The following FAM135A variants were observed in gnomAD, a reference collection of about 807,000 sequenced individuals.
The protein encoded by FAM135A is family with sequence similarity 135 member A.
Under a neutral mutation model 146.8 loss-of-function variants are expected in FAM135A, and 79 were observed. That is an observed-to-expected ratio of 0.54 (90% CI 0.45 to 0.65). FAM135A has a LOEUF of 0.65. FAM135A is among the 30% of genes least tolerant of loss of function. The pLI is 0.00. For missense variants in FAM135A, 1,623 were observed against 1,758.2 expected (o/e 0.92, Z 1.38); for synonymous variants, 562 against 603.6 (o/e 0.93, Z 1.01).
chr6:70,474,902 A>G (rs1782326198), intron 5 of FAM135A, among the ~76,000 whole-genome samples: 1 of 152,100 alleles, frequency 6.6e-6, no homozygotes, highest in Admixed American at 6.6e-5. Context: ...CTCTAATCAC[A>G]TGGCTGGTCT....
chr6:70,501,351 G>T (rs922021249), intron 11 of FAM135A, among the ~76,000 whole-genome samples: 1 of 152,152 alleles, frequency 6.6e-6, no homozygotes, highest in Admixed American at 6.5e-5. Flanking sequence ...CCCCTACCAA[G>T]CTTGATCTTC....
At chr6:70,475,810 C>G (rs1175903715) in intron 7 of FAM135A, 77 bp downstream of exon 7, 2 of 1,166,484 alleles carry the variant, frequency 1.7e-6, no homozygotes, top group Admixed American at 2.3e-5. Flanking sequence ...CCATTTTCCT[C>G]TTAAAATTCA....
intron 4 of FAM135A, among the ~76,000 whole-genome samples, chr6:70,428,932 A>C (rs764042881): frequency 2.0e-5 from 3 of 152,212 alleles, no homozygotes; most frequent in Non-Finnish European, 4.4e-5. Flanking sequence ...GAAAACACTA[A>C]AACAATAATC....
chr6:70,495,199 A>C (rs1388200089), intron 11 of FAM135A, among the ~76,000 whole-genome samples: 1 of 152,168 alleles, frequency 6.6e-6, no homozygotes, highest in Non-Finnish European at 1.5e-5. Context: ...TCTGGTATTT[A>C]TAAACCTTTT....
chr6:70,434,204 A>C (rs1772419343), intron 4 of FAM135A, among the ~76,000 whole-genome samples: 1 of 152,244 alleles, frequency 6.6e-6, no homozygotes, highest in South Asian at 2.1e-4. Flanking sequence ...AGAAGGAAAT[A>C]TTGCCCTTTA....
rs115970489 is a variant in FAM135A, at chr6:70,435,026, G to A, written c.77+6607G>A. ...AACATATTATGATTTGGAAATGGAG[G>A]AAAGTAAGGATATAGATTTAGAAAT... On this transcript the variant is annotated intron_variant, in intron 4 of 21. Coordinates refer to ENST00000418814, the MANE Select transcript of FAM135A (RefSeq NM_001162529.3). Among the ~76,000 whole-genome samples the A allele has an allele frequency of 2.0e-5, 3 of 149,454 alleles. No homozygotes were observed. The East Asian group carries it at 5.9e-4, about 29-fold the overall frequency.
rs754687796 is a variant in FAM135A, at chr6:70,526,543, G to T, written c.3459G>T (p.Leu1153Phe). The T allele has an allele frequency of 3.1e-6, 5 of 1,613,580 alleles. No homozygotes were observed. Among genetic ancestry groups the T allele is most frequent in the Non-Finnish European group, 4.2e-6 (5 of 1,179,692 alleles). The change falls in exon 15 of 22, where the codon TTG becomes TTT. Residue 1153 changes from leucine to phenylalanine, a missense_variant. Transcript: ENST00000418814. The part of the protein sequence containing the change: ...NMPTVCTSGC[L>F]SFPSAPRESP... ...CTACTGTCTGTACTTCTGGTTGTTTGTCCTTCCCGTCTGCACCACGAGAGT... is the reference window on the plus strand; with the variant it reads ...CTACTGTCTGTACTTCTGGTTGTTTTTCCTTCCCGTCTGCACCACGAGAGT...
chr6:70,450,506 C>G (rs1055448590), intron 4 of FAM135A, among the ~76,000 whole-genome samples: 83 of 151,940 alleles, frequency 5.5e-4, no homozygotes, highest in African/African-American at 1.9e-3. Context: ...TTTCCCCACA[C>G]CATTTATTGA....
Position 70,452,501 on chromosome 6 carries a change from G to T in FAM135A, c.87G>T (p.Gln29His). Residue 29 changes from glutamine to histidine, a missense_variant, in exon 5 of 22, where the codon CAG becomes CAT. By Grantham distance (24) the Gln-to-His change is conservative. Coordinates refer to ENST00000418814, the MANE Select transcript of FAM135A (RefSeq NM_001162529.3). ...GTTTATTTTGCTTTAGTTTTTACCAGATTCGTGCTTCTATGAAAATTCCAT... is the reference window on the plus strand; with the variant it reads ...GTTTATTTTGCTTTAGTTTTTACCATATTCGTGCTTCTATGAAAATTCCAT... ...NVDLFQRGFY[Q>H]IRASMKIPSR... The T allele has an allele frequency of 6.3e-7, 1 of 1,595,808 alleles. No homozygotes were observed. The highest frequency in any genetic ancestry group is 8.5e-7 in the Non-Finnish European group (1 of 1,174,970).
At chr6:70,464,286 C>T (rs528128355) in intron 5 of FAM135A, among the ~76,000 whole-genome samples, 4 of 152,130 alleles carry the variant, frequency 2.6e-5, no homozygotes, top group Non-Finnish European at 5.9e-5. Context: ...TTTGTGTTAG[C>T]AGATAACTGA....
In FAM135A at chr6:70,526,537, T is replaced by C. The variant is rs1287986152; in HGVS notation, c.3453T>C (p.Gly1151=). The C allele has an allele frequency of 6.2e-7, 1 of 1,613,570 alleles. No homozygotes were observed. Among genetic ancestry groups the C allele is most frequent in the East Asian group, 2.2e-5 (1 of 44,860 alleles). The change falls in exon 15 of 22, where the codon GGT becomes GGC. Residue 1151 remains glycine, a synonymous_variant. Transcript: ENST00000418814. Reference sequence around the variant, plus strand: ...ACATGCCTACTGTCTGTACTTCTGGTTGTTTGTCCTTCCCGTCTGCACCAC... The same window carrying C: ...ACATGCCTACTGTCTGTACTTCTGGCTGTTTGTCCTTCCCGTCTGCACCAC... ...GINMPTVCTS[G]CLSFPSAPRE...
At chr6:70,551,828 C>T (rs895036644) in intron 20 of FAM135A, among the ~76,000 whole-genome samples, 1 of 152,078 alleles carries the variant, frequency 6.6e-6, no homozygotes, top group Non-Finnish European at 1.5e-5. Context: ...TGGTTCATGG[C>T]ATTGCAAAAC....
intron 20 of FAM135A, among the ~76,000 whole-genome samples, chr6:70,551,264 C>T (rs1276238849): frequency 3.3e-5 from 5 of 152,172 alleles, no homozygotes; most frequent in Admixed American, 3.3e-4. Context: ...CGTGTCTTGG[C>T]TTTTGATATG....
At chr6:70,540,744 C>A (rs554668305) in intron 20 of FAM135A, among the ~76,000 whole-genome samples, 7 of 152,128 alleles carry the variant, frequency 4.6e-5, no homozygotes, top group Non-Finnish European at 7.3e-5. Flanking sequence ...GTTTTTCTAT[C>A]CTAGTCATCT....
chr6:70,493,969 G>T (rs1786633403), intron 11 of FAM135A, among the ~76,000 whole-genome samples: 1 of 148,820 alleles, frequency 6.7e-6, no homozygotes. Flanking sequence ...AGGGAGATTT[G>T]CTTGAACCCG....
intron 10 of FAM135A, chr6:70,486,325 C>T: frequency 1.7e-6 from 2 of 1,156,762 alleles, no homozygotes; most frequent in Non-Finnish European, 2.5e-6. Flanking sequence ...CATCAGATTT[C>T]ATAAATGTAT....
intron 4 of FAM135A, among the ~76,000 whole-genome samples, chr6:70,441,943 A>AG (rs1383103535): frequency 1.3e-5 from 2 of 152,214 alleles, no homozygotes; most frequent in Non-Finnish European, 2.9e-5. Context: ...TTGGCCTCCC[A>AG]AAGTGCTGGG....
intron 12 of FAM135A, among the ~76,000 whole-genome samples, chr6:70,507,978 C>G (rs1790173693): frequency 6.6e-6 from 1 of 152,036 alleles, no homozygotes; most frequent in Non-Finnish European, 1.5e-5. Flanking sequence ...TAGATTGATT[C>G]ATGTATAGCA....
chr6:70,559,931 A>T lies in FAM135A; in HGVS notation c.*10A>T. On this transcript the variant is annotated 3_prime_UTR_variant, in exon 22 of 22. Coordinates refer to ENST00000418814, the MANE Select transcript of FAM135A (RefSeq NM_001162529.3). ...CAAATATTTCCAATAGTATAAAAGC[A>T]TTGTTAGCGACTGGACAATTACCTC... The T allele has an allele frequency of 6.3e-7, 1 of 1,595,434 alleles. No homozygotes were observed. The highest frequency in any genetic ancestry group is 8.6e-7 in the Non-Finnish European group (1 of 1,165,678).
Sources: gnomAD v4.1 joint callset for allele counts (sites outside exome capture counted in the v4.1 genomes callset) on GRCh38, gnomAD v4.1.1 for gene constraint, MANE v1.5 for transcripts, NCBI Gene and HGNC (gene_info 2026-07-23, HGNC 2026-07-21) for gene names.